Variants in SHISA9 observed in about 807,000 individuals in gnomAD.
The protein encoded by SHISA9 is protein shisa-9.
A neutral mutation model predicts 38.0 loss-of-function variants in SHISA9; 13 were observed. The observed-to-expected ratio is 0.34, with a 90% CI of 0.22 to 0.54. The LOEUF (loss-of-function observed/expected upper bound fraction) is 0.54, where lower values mean the gene tolerates loss of function less well. Among genes scored for constraint, SHISA9 ranks in the 20% least tolerant of loss-of-function variants. The pLI is 0.91. For synonymous variants in SHISA9, 275 were observed against 242.0 expected (o/e 1.14, Z -1.27); for missense variants, 538 against 575.8 (o/e 0.93, Z 0.67).
chr16:12,987,428 G>A (rs1167056676), intron 2 of SHISA9, among the ~76,000 whole-genome samples: 1 of 152,170 alleles, frequency 6.6e-6, no homozygotes, highest in Non-Finnish European at 1.5e-5. Context: ...AAATGAATGA[G>A]ATCATGTCCT....
At chr16:13,197,126 C>CACACACACACACACACACACAG (rs1441162397) in intron 2 of SHISA9, among the ~76,000 whole-genome samples, 20 of 150,246 alleles carry the variant, frequency 1.3e-4, no homozygotes, top group African/African-American at 4.2e-4. Flanking sequence ...CACACACACA[C>CACACACACACACACACACACAG]ACACACACAC....
At chr16:13,168,211 A>G (rs2050654654) in intron 2 of SHISA9, among the ~76,000 whole-genome samples, 1 of 152,192 alleles carries the variant, frequency 6.6e-6, no homozygotes, top group Non-Finnish European at 1.5e-5. Flanking sequence ...TTGATTACCC[A>G]TCTGTCCTAA....
intron 2 of SHISA9, among the ~76,000 whole-genome samples, chr16:13,034,831 A>T (rs2073034549): frequency 6.6e-6 from 1 of 152,314 alleles, no homozygotes; most frequent in South Asian, 2.1e-4. Context: ...GAGACATGTG[A>T]AACAGACCCA....
chr16:13,109,347 A>G (rs1315386635), intron 2 of SHISA9, among the ~76,000 whole-genome samples: 1 of 152,100 alleles, frequency 6.6e-6, no homozygotes, highest in African/African-American at 2.4e-5. Flanking sequence ...GTGGTCTTCA[A>G]GGGTAGGCCC....
chr16:12,989,735 A>C (rs1449903558), intron 2 of SHISA9, among the ~76,000 whole-genome samples: 1 of 152,090 alleles, frequency 6.6e-6, no homozygotes, highest in Non-Finnish European at 1.5e-5. Flanking sequence ...CAAATACATA[A>C]TATTCTATCA....
intron 2 of SHISA9, among the ~76,000 whole-genome samples, chr16:13,069,521 T>G (rs2141920539): frequency 6.6e-6 from 1 of 152,162 alleles, no homozygotes; most frequent in East Asian, 1.9e-4. Context: ...TATACATGTG[T>G]GTACACACAA....
chr16:13,510,117 C>G, the SHISA9 span, among the ~76,000 whole-genome samples: 1 of 152,076 alleles, frequency 6.6e-6, no homozygotes, highest in Non-Finnish European at 1.5e-5. Flanking sequence ...ACCAGGCTGG[C>G]CAACATGGTG....
intron 1 of SHISA9, among the ~76,000 whole-genome samples, chr16:12,907,036 ATCCCCCT>A (rs139434096): frequency 0.32 from 40,467 of 124,908 alleles, 6,905 homozygotes; most frequent in Non-Finnish European, 0.43. Flanking sequence ...CCTTCCCTCC[ATCCCCCT>A]TCCCCCTTCC....
the SHISA9 span, among the ~76,000 whole-genome samples, chr16:13,505,148 A>G: frequency 6.6e-6 from 1 of 152,236 alleles, no homozygotes; most frequent in Non-Finnish European, 1.5e-5. Flanking sequence ...TCTGAAAAAG[A>G]CCAAAGCACG....
intron 2 of SHISA9, among the ~76,000 whole-genome samples, chr16:13,164,858 C>T (rs989884458): frequency 2.2e-4 from 33 of 152,198 alleles, no homozygotes; most frequent in Middle Eastern, 3.4e-3. Flanking sequence ...ATGACATGAA[C>T]CTTTTTAAAA....
chr16:13,181,707 C>T (rs1179723358), intron 2 of SHISA9, among the ~76,000 whole-genome samples: 2 of 151,404 alleles, frequency 1.3e-5, no homozygotes, highest in African/African-American at 4.9e-5. Flanking sequence ...AGAGGTATCT[C>T]AATAGGAGGT....
intron 2 of SHISA9, among the ~76,000 whole-genome samples, chr16:13,189,520 AG>A (rs2050862221): frequency 6.6e-6 from 1 of 152,224 alleles, no homozygotes; most frequent in Admixed American, 6.5e-5. Context: ...TGTTATACTT[AG>A]AGATATGAGG....
chr16:13,536,586 C>T, the SHISA9 span, among the ~76,000 whole-genome samples: 4 of 152,098 alleles, frequency 2.6e-5, no homozygotes, highest in East Asian at 3.9e-4. Context: ...CAGCACTTCT[C>T]GGCATTGCGG....
the SHISA9 span, among the ~76,000 whole-genome samples, chr16:13,317,444 CT>C: frequency 8.5e-5 from 13 of 152,220 alleles, no homozygotes; most frequent in Non-Finnish European, 1.9e-4. Context: ...AAACTGCCTT[CT>C]TTTTTTAAAT....
chr16:12,977,185 C>T (rs545682060), intron 2 of SHISA9, among the ~76,000 whole-genome samples: 2 of 152,214 alleles, frequency 1.3e-5, no homozygotes, highest in East Asian at 1.9e-4. Flanking sequence ...AATGGAGGCT[C>T]GGTTGGGCTG....
the SHISA9 span, among the ~76,000 whole-genome samples, chr16:13,263,339 G>T: frequency 1.3e-5 from 2 of 152,202 alleles, no homozygotes; most frequent in Admixed American, 6.5e-5. Context: ...GGTGGGGCCT[G>T]GTGGGAGGAG....
At chr16:12,905,634 C>A (rs536731140) in intron 1 of SHISA9, among the ~76,000 whole-genome samples, 1 of 151,904 alleles carries the variant, frequency 6.6e-6, no homozygotes, top group South Asian at 2.1e-4. Context: ...CTCTGTCACC[C>A]AGGCTGGAGT....
rs1432749922 is a variant in SHISA9 at position 13,007,179 on chromosome 16, C to T, written c.691+90364C>T. On this transcript the variant is annotated intron_variant, in intron 2 of 4. Transcript: ENST00000558583. ...TCCCACTCTAAACTCTCTCGCTTGA[C>T]CTCTGGACTTGACATTCTATTAGAT... Among the ~76,000 whole-genome samples the T allele has an allele frequency of 3.9e-5, 6 of 152,332 alleles. No homozygotes were observed. The South Asian group carries it at 1.2e-3, about 32-fold the overall frequency.
At chr16:13,452,962 G>T in the SHISA9 span, among the ~76,000 whole-genome samples, 1 of 151,824 alleles carries the variant, frequency 6.6e-6, no homozygotes, top group African/African-American at 2.4e-5. Flanking sequence ...AGGCTGGAGT[G>T]CAGTGGCGCA....
Sources: gnomAD v4.1 joint callset for allele counts (sites outside exome capture counted in the v4.1 genomes callset) on GRCh38, gnomAD v4.1.1 for gene constraint, MANE v1.5 for transcripts, NCBI Gene and HGNC (gene_info 2026-07-23, HGNC 2026-07-21) for gene names.